The following TOP1MT variants were observed in gnomAD, a reference collection of about 807,000 sequenced individuals.
TOP1MT encodes DNA topoisomerase I mitochondrial.
TOP1MT carries 80 observed loss-of-function variants against 73.9 expected under a neutral mutation model. That is an observed-to-expected ratio of 1.08 (90% CI 0.90 to 1.30). The LOEUF is 1.30. Among genes scored for constraint, TOP1MT ranks in the 50% most tolerant of loss-of-function variants. TOP1MT has a pLI of 0.00. For missense variants in TOP1MT, 815 were observed against 808.0 expected (o/e 1.01, Z -0.10); for synonymous variants, 338 against 326.4 (o/e 1.04, Z -0.38).
In TOP1MT at chr8:143,321,322, G is replaced by A. The variant is rs768897149; in HGVS notation, c.1025C>T (p.Ser342Phe). Residue 342 changes from serine to phenylalanine, a missense_variant, in exon 8 of 14, where the codon TCC becomes TTC. This residue lies in a region of TOP1MT where 751 missense variants were observed against 725.4 expected (regional missense o/e 1.04). Transcript: ENST00000329245. Reference sequence around the variant, plus strand: ...CAGCTGGACGTGCTCCACGCGGAGGGAACAGCAGCCCACGGTGTCGGCCGC... The same window carrying A: ...CAGCTGGACGTGCTCCACGCGGAGGAAACAGCAGCCCACGGTGTCGGCCGC... ...GEAADTVGCC[S>F]LRVEHVQLHP... The A allele has an allele frequency of 6.2e-7, 1 of 1,608,086 alleles. No homozygotes were observed. Among genetic ancestry groups the A allele is most frequent in the African/African-American group, 1.3e-5 (1 of 74,840 alleles).
chr8:143,324,425 T>A, intron 6 of TOP1MT, 60 bp downstream of exon 6: 2 of 1,609,834 alleles, frequency 1.2e-6, no homozygotes, highest in Non-Finnish European at 1.7e-6. Context: ...CACACCTCCC[T>A]GCCGGCGTCC....
intron 2 of TOP1MT, 126 bp downstream of exon 2, chr8:143,331,098 A>C (rs1251929200): frequency 8.9e-6 from 6 of 674,176 alleles, no homozygotes; most frequent in Non-Finnish European, 4.9e-6. Flanking sequence ...CTGCAAGAAG[A>C]GGGCACAGAG....
chr8:143,317,912 A>G (rs1030728307), intron 9 of TOP1MT, 75 bp from the exon 10 acceptor site: 2 of 1,594,254 alleles, frequency 1.3e-6, no homozygotes, highest in African/African-American at 1.3e-5. Context: ...AGGAAAGGAC[A>G]TGTCAGCCGT....
chr8:143,332,071 AG>A lies in TOP1MT; in HGVS notation c.123-733del, dbSNP rs1231645752. ...GCTCTGGAGATTGGGGGGGTGTTGG[AG>A]GGGGTGGGGGGACACAGCCAGCGTG... is the stretch of plus-strand genomic sequence containing the variant. On this transcript the variant is annotated intron_variant, in intron 1 of 13. Coordinates refer to ENST00000329245, the MANE Select transcript of TOP1MT (RefSeq NM_052963.3). Among the ~76,000 whole-genome samples, 4 of 85,136 alleles carry A rather than the reference AG, an allele frequency of 4.7e-5. No individual in the cohort carries two copies. In the Admixed American group the frequency reaches 5.2e-4, roughly 11 times the overall value. 55.9% of individuals were successfully genotyped at this position (85,136 alleles called of 152,430 possible).
In TOP1MT at chr8:143,341,883, CT is replaced by C. The variant is rs558384175; in HGVS notation, c.29+1336del. ...CCTCTTTCTCCTCCCCCTTCTTCTT[CT>C]TCTTATTAGCGACAGAGTCTCACTC... On this transcript the variant is annotated intron_variant, in intron 2 of 5. Coordinates refer to the TOP1MT transcript ENST00000518007. This position sits in a 1 kb window ranked among gnomAD's most constrained non-coding sequence, Gnocchi z 4.1. Among the ~76,000 whole-genome samples the C allele has an allele frequency of 2.9e-3, 448 of 152,200 alleles. 2 individuals are homozygous for C. The highest frequency in any genetic ancestry group is 1.0e-2 in the African/African-American group (414 of 41,510).
chr8:143,313,961 G>A (rs184219585), intron 12 of TOP1MT, among the ~76,000 whole-genome samples: 18 of 152,210 alleles, frequency 1.2e-4, no homozygotes, highest in South Asian at 2.1e-4. Flanking sequence ...CTGGAAAATG[G>A]ACAGAGGACC....
chr8:143,310,808 C>T (rs1371570112), intron 12 of TOP1MT, among the ~76,000 whole-genome samples: 1 of 152,208 alleles, frequency 6.6e-6, no homozygotes, highest in African/African-American at 2.4e-5. Flanking sequence ...AGCATAGGTC[C>T]GGGGAAGTGC....
At chr8:143,346,465 C>T (rs1035761445), upstream of TOP1MT, among the ~76,000 whole-genome samples, 2 of 152,098 alleles carry the variant, frequency 1.3e-5, no homozygotes, top group Non-Finnish European at 2.9e-5. Context: ...ATATTTTAAA[C>T]AAACAAAGCA....
chr8:143,320,940 G>C (rs1816319173), intron 8 of TOP1MT, among the ~76,000 whole-genome samples: 1 of 152,200 alleles, frequency 6.6e-6, no homozygotes, highest in African/African-American at 2.4e-5. Context: ...AGATGCTCCG[G>C]CCGGGGGGCA....
At chr8:143,321,477 CCACACGCACGCCACACACGCACGCCACA>C in intron 7 of TOP1MT, 91 bp from the exon 8 acceptor site, 5 of 1,001,192 alleles carry the variant, frequency 5.0e-6, no homozygotes, top group East Asian at 2.8e-5. Context: ...CACACGCACG[CCACACGCACGCCACACACGCACGCCACA>C]CACACGCACT....
At chr8:143,325,884 G>A (rs747222469) in intron 4 of TOP1MT, among the ~76,000 whole-genome samples, 2 of 152,238 alleles carry the variant, frequency 1.3e-5, no homozygotes, top group African/African-American at 2.4e-5. Context: ...ATCACAGCAC[G>A]GCAGGTTCCT....
chr8:143,331,220 T>A lies in TOP1MT; in HGVS notation c.238+4A>T. On this transcript the variant is annotated splice_donor_region_variant and intron_variant, in intron 2 of 13. Transcript: ENST00000329245. ...TGGGGAGGAGCCGCTCCCTGCATCCTTACCTTCATAGAAGAAACGCACTCC... is the reference window on the plus strand; with the variant it reads ...TGGGGAGGAGCCGCTCCCTGCATCCATACCTTCATAGAAGAAACGCACTCC... 3 of 1,599,278 alleles carry A rather than the reference T, an allele frequency of 1.9e-6. No homozygotes were observed. Among genetic ancestry groups the A allele is most frequent in the Admixed American group, 1.7e-5 (1 of 59,392 alleles).
rs760037534 is a variant in TOP1MT at position 143,326,260 on chromosome 8, C to G, written c.445G>C (p.Ala149Pro). 6.2e-7 allele frequency: 1 copy of G among 1,614,030 alleles called. No homozygotes were observed. Among genetic ancestry groups the G allele is most frequent in the South Asian group, 1.1e-5 (1 of 91,086 alleles). Residue 149 changes from alanine to proline, a missense_variant, in exon 4 of 14, where the codon GCC becomes CCC. Coordinates refer to ENST00000329245, the MANE Select transcript of TOP1MT (RefSeq NM_052963.3). ...CTGCTCAGGACTTTCCGGGCTGCGG[C>G]CTTGTCCACAAAGTATCTGTGGATC... ...TEIHRYFVDK[A>P]AARKVLSREE...
chr8:143,347,624 A>G (rs1324050946), upstream of TOP1MT, among the ~76,000 whole-genome samples: 1 of 152,174 alleles, frequency 6.6e-6, no homozygotes, highest in Non-Finnish European at 1.5e-5. Context: ...AGTATTAAGT[A>G]TTACAAATGG....
chr8:143,336,959 T>C (rs1816991929), upstream of TOP1MT, among the ~76,000 whole-genome samples: 1 of 152,084 alleles, frequency 6.6e-6, no homozygotes, highest in Admixed American at 6.5e-5. Flanking sequence ...GAAAATGAAA[T>C]TAAGAAAATA....
chr8:143,321,428 C>A (rs776777163), intron 7 of TOP1MT, 42 bp from the exon 8 acceptor site: 5 of 1,517,596 alleles, frequency 3.3e-6, no homozygotes, highest in Non-Finnish European at 4.5e-6. Flanking sequence ...TGCGTGCACA[C>A]GCACGCCACA....
upstream of TOP1MT, among the ~76,000 whole-genome samples, chr8:143,337,263 G>A (rs762587577): frequency 3.3e-5 from 5 of 152,118 alleles, no homozygotes; most frequent in African/African-American, 9.7e-5. Context: ...AAATTAGCCT[G>A]GCATGATAGC....
At chr8:143,357,753 A>G (rs188906612), upstream of TOP1MT, among the ~76,000 whole-genome samples, 475 of 152,148 alleles carry the variant, frequency 3.1e-3, 1 homozygote, top group South Asian at 4.1e-3. Context: ...GAAATCACGT[A>G]TCTACTAAAA....
intron 1 of TOP1MT, among the ~76,000 whole-genome samples, chr8:143,353,407 C>A (rs1178197131): frequency 2.7e-5 from 4 of 148,650 alleles, no homozygotes; most frequent in African/African-American, 7.7e-5. Context: ...CAAAGTGAGA[C>A]CCTGTCTCTT....
Sources: allele counts gnomAD v4.1 joint callset (sites outside exome capture counted in the v4.1 genomes callset), GRCh38; gene constraint gnomAD v4.1.1; regional missense constraint gnomAD v4.1.1; non-coding constraint Gnocchi (gnomAD v3.1); transcripts MANE v1.5; gene names NCBI Gene and HGNC (gene_info 2026-07-23, HGNC 2026-07-21).